SAMD4B: variants seen among roughly 807,000 people sequenced by gnomAD.
The protein encoded by SAMD4B is sterile alpha motif domain containing 4B, also known as protein Smaug homolog 2.
In SAMD4B, 5 loss-of-function variants were observed where a neutral mutation model predicts 74.5. The ratio of observed to expected loss-of-function variants is 0.07; its 90% confidence interval spans 0.04 to 0.14. The LOEUF (loss-of-function observed/expected upper bound fraction) is 0.14, where lower values mean the gene tolerates loss of function less well. Ranked by LOEUF, SAMD4B falls within the 10% of genes least tolerant of loss-of-function variation. SAMD4B has a pLI of 1.00. For synonymous variants in SAMD4B, 373 were observed against 374.9 expected (o/e 1.00, Z 0.06); for missense variants, 608 against 921.8 (o/e 0.66, Z 4.41).
At position 39,383,246 on chromosome 19, in the gene SAMD4B, A is replaced by C; in HGVS notation, c.2011A>C (p.Thr671Pro). 6.2e-7 allele frequency: 1 copy of C among 1,612,232 alleles called. No individual in the cohort carries two copies. Among genetic ancestry groups the C allele is most frequent in the Non-Finnish European group, 8.5e-7 (1 of 1,179,518 alleles). ...TGGGCCTGACCTGGAGATCAATCCC[A>C]CTCTGGAGTCTCTGTGTCTGAGCAT... Reference protein sequence around the residue: ...VPGPDLEINPTLESLCLSMTE... With the variant: ...VPGPDLEINPPLESLCLSMTE... Residue 671 changes from threonine to proline, a missense_variant, in exon 13 of 14, where the codon ACT becomes CCT. Around this residue, in one of 9 missense-constraint regions of SAMD4B, gnomAD observed 15 missense variants for 40.5 expected, o/e 0.37. Transcript: ENST00000610417. This position sits in a 1 kb window ranked among gnomAD's most constrained non-coding sequence, Gnocchi z 4.1.
rs1284063260 is a variant in SAMD4B at position 39,384,478 on chromosome 19, T to C, written c.*951T>C. On this transcript the variant is annotated 3_prime_UTR_variant, in exon 14 of 14. Transcript: ENST00000610417. The stretch of plus-strand genomic sequence containing the variant: ...GTTGGTGAGACTTGGGAGTCAGGAA[T>C]AAGGGAAAGGGGATTGTTTGGTTTT... 6.5e-6 allele frequency: 1 copy of C among 152,684 alleles called. No individual in the cohort carries two copies. The highest frequency in any genetic ancestry group is 2.4e-5 in the African/African-American group (1 of 41,460). The allele number at this position is 152,684 out of a possible 1,614,324, so 9.5% of individuals were successfully genotyped here. A position where few individuals can be genotyped will look rare whatever the true frequency, so the allele number is the denominator to read the frequency against.
rs368117873 is a variant in SAMD4B, at chr19:39,356,726, C to G, written c.-168C>G. 1.4e-5 allele frequency: 8 copies of G among 572,480 alleles called. No individual in the cohort carries two copies. The highest frequency in any genetic ancestry group is 6.3e-5 in the Admixed American group (2 of 31,592). 35.5% of individuals were successfully genotyped at this position (572,480 alleles called of 1,614,324 possible). ...GCGTGGCTGGACCAAGACCTCCCCC[C>G]ATGTGAGCAGGCTTCCTCCTCCCCC... On this transcript the variant is annotated 5_prime_UTR_variant, in exon 3 of 14. Transcript: ENST00000610417.
intron 4 of SAMD4B, among the ~76,000 whole-genome samples, chr19:39,373,314 G>A (rs921952451): frequency 6.6e-6 from 1 of 152,156 alleles, no homozygotes; most frequent in Non-Finnish European, 1.5e-5. Flanking sequence ...GAGCTCAGAG[G>A]CCCTCTTAGC....
At chr19:39,367,027 A>G (rs185223083) in intron 3 of SAMD4B, among the ~76,000 whole-genome samples, 2 of 152,340 alleles carry the variant, frequency 1.3e-5, no homozygotes, top group Admixed American at 6.5e-5. Context: ...GACTTACTCT[A>G]TGCTGTGGCC....
intron 2 of SAMD4B, among the ~76,000 whole-genome samples, chr19:39,355,156 A>G (rs374418040): frequency 6.6e-6 from 1 of 152,218 alleles, no homozygotes; most frequent in East Asian, 1.9e-4. Context: ...TACAGGTGAG[A>G]GCCACCATGC....
chr19:39,361,002 TA>T (rs2076613818), intron 3 of SAMD4B, among the ~76,000 whole-genome samples: 2 of 152,134 alleles, frequency 1.3e-5, no homozygotes, highest in Admixed American at 1.3e-4. Flanking sequence ...AGCTCTCCAC[TA>T]ACACCTCTTG....
intron 2 of SAMD4B, 71 bp from the exon 3 acceptor site, chr19:39,356,618 C>T: frequency 3.1e-6 from 1 of 322,740 alleles, no homozygotes; most frequent in South Asian, 6.8e-5. Context: ...CCTTCATGCC[C>T]CCTCAACCCA....
intron 1 of SAMD4B, among the ~76,000 whole-genome samples, chr19:39,343,515 A>C: frequency 1.7e-5 from 2 of 114,722 alleles, no homozygotes; most frequent in African/African-American, 3.5e-5. Flanking sequence ...CTCCCCCTTC[A>C]CGTATCCCTC....
chr19:39,344,167 C>T (rs954107770), intron 1 of SAMD4B, among the ~76,000 whole-genome samples: 5 of 150,766 alleles, frequency 3.3e-5, no homozygotes, highest in East Asian at 1.9e-4. Context: ...CACACAGGTC[C>T]CCTAAATCCT....
In SAMD4B at chr19:39,378,972, G is replaced by A. The variant is rs931047516; in HGVS notation, c.1530+383G>A. On this transcript the variant is annotated intron_variant, in intron 9 of 13. Transcript: ENST00000610417. The surrounding 1 kb of genome is among the most constrained non-coding windows in gnomAD (Gnocchi z 4.4). ...GCCTTACCTGACGTGGCACATGCCAGCCCTTCCAGTCTTGTATCTTACCAG... is the reference window on the plus strand; with the variant it reads ...GCCTTACCTGACGTGGCACATGCCAACCCTTCCAGTCTTGTATCTTACCAG... 6.6e-6 allele frequency among the ~76,000 whole-genome samples: 1 copy of A among 152,154 alleles called. No individual in the cohort carries two copies. Among genetic ancestry groups the A allele is most frequent in the Non-Finnish European group, 1.5e-5 (1 of 68,026 alleles).
Position 39,383,641 on chromosome 19 carries a change from A to G in SAMD4B, c.*114A>G. ...TGGGCTGGCTCAGCTATATATTCTA[A>G]TATTTTTCTACTCTCTTACCCTCTT... On this transcript the variant is annotated 3_prime_UTR_variant, in exon 14 of 14. Coordinates refer to ENST00000610417, the MANE Select transcript of SAMD4B (RefSeq NM_001384574.2). The surrounding 1 kb of genome is among the most constrained non-coding windows in gnomAD (Gnocchi z 4.1). 5 of 1,605,932 alleles carry G rather than the reference A, an allele frequency of 3.1e-6. No homozygotes were observed. The South Asian group carries it at 4.4e-5, about 14-fold the overall frequency.
At chr19:39,386,285 A>C (rs1224159787), downstream of SAMD4B, 1 of 1,613,912 alleles carries the variant, frequency 6.2e-7, no homozygotes. The surrounding 1 kb of genome is among the most constrained non-coding windows in gnomAD (Gnocchi z 6.1). Context: ...CGTCCTCACC[A>C]CTGCCACTCT....
At chr19:39,390,242 A>G (rs1368722256), downstream of SAMD4B, 1 of 1,613,894 alleles carries the variant, frequency 6.2e-7, no homozygotes, top group Admixed American at 1.7e-5. Context: ...GCTCCTGGGA[A>G]AGCACAGTGG....
chr19:39,388,916 G>C (rs2078312138), downstream of SAMD4B: 4 of 1,611,482 alleles, frequency 2.5e-6, no homozygotes, highest in Non-Finnish European at 3.4e-6. Flanking sequence ...CAAATAGGCT[G>C]TCCCTTTCTA....
At position 39,376,423 on chromosome 19, in the gene SAMD4B, C is replaced by T. The variant is rs1486474602; in HGVS notation, c.908-14C>T. On this transcript the variant is annotated splice_polypyrimidine_tract_variant and intron_variant, in intron 5 of 13. Transcript: ENST00000610417. ...CCAAACTCCTGACCTTTCACTCTCC[C>T]TCCTTTGCCAAAGATGTGCCCTCAT... 2 of 1,603,062 alleles carry T rather than the reference C, an allele frequency of 1.2e-6. No individual in the cohort carries two copies. The highest frequency in any genetic ancestry group is 3.3e-5 in the Admixed American group (2 of 59,992).
At chr19:39,380,962 A>G (rs2077942442) in intron 11 of SAMD4B, 28 bp from the exon 12 acceptor site, 4 of 1,582,340 alleles carry the variant, frequency 2.5e-6, no homozygotes, top group Admixed American at 1.7e-5. Context: ...TGCACTCACT[A>G]CTTTCTCTCT....
intron 1 of SAMD4B, among the ~76,000 whole-genome samples, chr19:39,349,430 G>A (rs1370315986): frequency 6.6e-6 from 1 of 152,110 alleles, no homozygotes; most frequent in African/African-American, 2.4e-5. Context: ...TCCCCATACT[G>A]TACTTATCTT....
At chr19:39,380,847 C>G in intron 11 of SAMD4B, 62 bp downstream of exon 11, 1 of 1,501,110 alleles carries the variant, frequency 6.7e-7, no homozygotes, top group Non-Finnish European at 8.9e-7. Flanking sequence ...CCTGGGATGT[C>G]TATTTGCCTG....
downstream of SAMD4B, chr19:39,389,642 T>C (rs376141484): frequency 1.1e-4 from 183 of 1,613,944 alleles, no homozygotes; most frequent in Non-Finnish European, 1.3e-4. This position sits in a 1 kb window ranked among gnomAD's most constrained non-coding sequence, Gnocchi z 5.3. Flanking sequence ...CCACACACCA[T>C]TGGGGTCGAT....
Sources: gnomAD v4.1 joint callset for allele counts (sites outside exome capture counted in the v4.1 genomes callset) on GRCh38, gnomAD v4.1.1 for gene constraint, gnomAD v4.1.1 regional missense constraint, Gnocchi (gnomAD v3.1) non-coding constraint, MANE v1.5 for transcripts, NCBI Gene and HGNC (gene_info 2026-07-23, HGNC 2026-07-21) for gene names.